UNC13B: variants seen among roughly 807,000 people sequenced by gnomAD.
The protein encoded by UNC13B is protein unc-13 homolog B.
UNC13B carries 144 observed loss-of-function variants against 211.0 expected under a neutral mutation model. That is an observed-to-expected ratio of 0.68 (90% CI 0.60 to 0.78). The LOEUF is 0.78. Among genes scored for constraint, UNC13B ranks in the 30% least tolerant of loss-of-function variants. UNC13B has a pLI of 0.00. For synonymous variants in UNC13B, 709 were observed against 725.8 expected (o/e 0.98, Z 0.37); for missense variants, 1,777 against 2,002.0 (o/e 0.89, Z 2.14).
intron 38 of UNC13B, 58 bp from the exon 39 acceptor site, chr9:35,403,382 G>C (rs1385491462): frequency 6.2e-7 from 1 of 1,605,462 alleles, no homozygotes; most frequent in African/African-American, 1.3e-5. Context: ...GGTCACCTGG[G>C]GTTCAAGAAC....
intron 6 of UNC13B, among the ~76,000 whole-genome samples, chr9:35,254,428 G>A (rs1826696662): frequency 6.6e-6 from 1 of 152,008 alleles, no homozygotes; most frequent in Non-Finnish European, 1.5e-5. Flanking sequence ...CTTTTGTAAG[G>A]GTGCTTATGC....
chr9:35,200,655 G>A (rs1489772348), intron 1 of UNC13B, among the ~76,000 whole-genome samples: 1 of 152,134 alleles, frequency 6.6e-6, no homozygotes, highest in Non-Finnish European at 1.5e-5. Context: ...TTGGTGTATA[G>A]GAATGCTTGT....
intron 1 of UNC13B, among the ~76,000 whole-genome samples, chr9:35,223,224 T>C (rs1824655198): frequency 6.6e-6 from 1 of 152,240 alleles, no homozygotes. Context: ...ATGGGATTGC[T>C]GGATCATGTG....
intron 7 of UNC13B, among the ~76,000 whole-genome samples, chr9:35,291,964 G>A (rs1309055302): frequency 6.6e-6 from 1 of 152,142 alleles, no homozygotes; most frequent in African/African-American, 2.4e-5. Context: ...CTAAGCATGT[G>A]GGAGTTATTT....
chr9:35,402,282 C>CTTTTTTTTT (rs1168729927), intron 37 of UNC13B, among the ~76,000 whole-genome samples: 6 of 136,878 alleles, frequency 4.4e-5, no homozygotes, highest in African/African-American at 8.2e-5. Context: ...TTCTTTTTTT[C>CTTTTTTTTT]TTTTTTTTTT....
At chr9:35,356,987 G>A (rs189041960) in intron 11 of UNC13B, among the ~76,000 whole-genome samples, 20 of 152,148 alleles carry the variant, frequency 1.3e-4, no homozygotes, top group East Asian at 9.6e-4. Context: ...ATCAGTTGGC[G>A]GACATTTGAG....
intron 11 of UNC13B, among the ~76,000 whole-genome samples, chr9:35,334,181 G>T (rs1348956675): frequency 1.3e-5 from 2 of 152,142 alleles, no homozygotes; most frequent in Non-Finnish European, 2.9e-5. Flanking sequence ...GGCCAGGCTG[G>T]TCTTGAACTC....
intron 7 of UNC13B, among the ~76,000 whole-genome samples, chr9:35,291,558 G>GT (rs1184979975): frequency 6.6e-6 from 1 of 152,168 alleles, no homozygotes. Context: ...GCTGTCTTGG[G>GT]TTTATTGGTC....
intron 7 of UNC13B, among the ~76,000 whole-genome samples, chr9:35,268,242 A>G (rs530572914): frequency 4.2e-4 from 64 of 152,228 alleles, no homozygotes; most frequent in African/African-American, 1.5e-3. Flanking sequence ...TTCACCAACA[A>G]TTGCTCTCCC....
intron 11 of UNC13B, among the ~76,000 whole-genome samples, chr9:35,330,709 C>A (rs977226152): frequency 1.3e-5 from 2 of 152,158 alleles, no homozygotes; most frequent in African/African-American, 4.8e-5. Context: ...ACATTTATGG[C>A]CTGGATCTGG....
intron 7 of UNC13B, among the ~76,000 whole-genome samples, chr9:35,285,416 G>C (rs747455895): frequency 2.9e-4 from 44 of 152,160 alleles, no homozygotes; most frequent in Non-Finnish European, 5.3e-4. Context: ...AGAGCCTCAA[G>C]TAATTATTAA....
rs571688745 is a variant in UNC13B at position 35,219,849 on chromosome 9, T to C, written c.23-8166T>C. On this transcript the variant is annotated intron_variant, in intron 1 of 39. Transcript: ENST00000635942. ...AAGCTGTAGTCACTCTCAAAGTTGG[T>C]GTGCATTCCTTCCTTTTAGGGTTAT... Among the ~76,000 whole-genome samples the C allele has an allele frequency of 4.6e-5, 7 of 152,296 alleles. 1 individual carries two copies. Among genetic ancestry groups the C allele is most frequent in the Admixed American group, 4.6e-4 (7 of 15,304 alleles).
At chr9:35,297,777 C>A (rs2131810984) in intron 8 of UNC13B, among the ~76,000 whole-genome samples, 1 of 151,192 alleles carries the variant, frequency 6.6e-6, no homozygotes, top group Admixed American at 6.6e-5. Context: ...TCTCGATCTC[C>A]TGACCTCGTG....
chr9:35,335,258 A>G (rs1462923444), intron 11 of UNC13B, among the ~76,000 whole-genome samples: 1 of 152,228 alleles, frequency 6.6e-6, no homozygotes, highest in Non-Finnish European at 1.5e-5. Flanking sequence ...ATAAAATAAC[A>G]TGAGCTTCTA....
rs985740043 is a variant in UNC13B at position 35,353,036 on chromosome 9, A to G, written c.9415-13911A>G. On this transcript the variant is annotated intron_variant, in intron 11 of 39. Transcript: ENST00000635942. ...AGCTGGGCTCGATATTCTGAGCTCAAAGGAACTAGAGGACCTTTTGGCAGA... is the reference window on the plus strand; with the variant it reads ...AGCTGGGCTCGATATTCTGAGCTCAGAGGAACTAGAGGACCTTTTGGCAGA... 5 of 1,232,086 alleles carry G rather than the reference A, an allele frequency of 4.1e-6. No homozygotes were observed. In the African/African-American group the frequency reaches 7.8e-5, roughly 19 times the overall value. The allele number at this position is 1,232,086 out of a possible 1,614,324, so 76.3% of individuals were successfully genotyped here. A position where few individuals can be genotyped will look rare whatever the true frequency, so the allele number is the denominator to read the frequency against.
Position 35,397,335 on chromosome 9 carries a change from T to TC in UNC13B, c.11676+30dup, listed in dbSNP as rs761714236. On this transcript the variant is annotated intron_variant, in intron 29 of 39. Transcript: ENST00000635942. Reference sequence around the variant, plus strand: ...GGTGACCATAACTCTTCCTACTCCCTCCCCCTTACCACCACCACACTCACA... The same window carrying TC: ...GGTGACCATAACTCTTCCTACTCCCTCCCCCCTTACCACCACCACACTCACA... The TC allele has an allele frequency of 3.7e-6, 6 of 1,608,876 alleles. No individual in the cohort carries two copies. The Admixed American group carries it at 5.0e-5, about 13-fold the overall frequency.
intron 1 of UNC13B, among the ~76,000 whole-genome samples, chr9:35,190,744 A>C (rs559228790): frequency 2.6e-5 from 4 of 152,236 alleles, no homozygotes; most frequent in African/African-American, 4.8e-5. Flanking sequence ...AGAGAAAAAC[A>C]TAATAGCCTT....
At chr9:35,170,223 T>C (rs769865551) in intron 1 of UNC13B, among the ~76,000 whole-genome samples, 13 of 152,102 alleles carry the variant, frequency 8.5e-5, no homozygotes, top group Non-Finnish European at 1.6e-4. Context: ...TGGAGTGCAG[T>C]GGTGCAATCT....
chr9:35,357,881 G>A (rs754735311), intron 11 of UNC13B, among the ~76,000 whole-genome samples: 6 of 152,044 alleles, frequency 3.9e-5, no homozygotes, highest in African/African-American at 1.2e-4. Context: ...TGCAACCACC[G>A]TTCATCTCCA....
Sources: gnomAD v4.1 joint callset for allele counts (sites outside exome capture counted in the v4.1 genomes callset) on GRCh38, gnomAD v4.1.1 for gene constraint, MANE v1.5 for transcripts, NCBI Gene and HGNC (gene_info 2026-07-23, HGNC 2026-07-21) for gene names.